Variants in FAM83E observed in about 807,000 individuals in gnomAD.
FAM83E encodes protein FAM83E.
FAM83E carries 29 observed loss-of-function variants against 34.3 expected under a neutral mutation model. The observed-to-expected ratio is 0.85, with a 90% CI of 0.63 to 1.15. The LOEUF (loss-of-function observed/expected upper bound fraction) is 1.15. Ranked by LOEUF, FAM83E falls within the 50% of genes most tolerant of loss-of-function variation. The probability of loss-of-function intolerance (pLI) is 0.00; values close to 1 mark genes in which losing one functional copy is unlikely to be tolerated. For missense variants in FAM83E, 697 were observed against 685.0 expected, an observed-to-expected ratio of 1.02 and a Z score of -0.20; for synonymous variants, 312 against 311.6, an observed-to-expected ratio of 1.00 and a Z score of -0.01.
In FAM83E at chr19:48,613,893, C is replaced by T. The variant is rs775831299; in HGVS notation, c.-521G>A. ...CTAATCACCCAAAGGTCCTTAAAGG[C>T]ACGACAGGTTGCCTGCCTGCCCCCG... On this transcript the variant is annotated 5_prime_UTR_variant, in exon 3 of 7. Coordinates refer to ENST00000263266, the MANE Select transcript of FAM83E (RefSeq NM_017708.4). 2.0e-6 allele frequency: 2 copies of T among 985,310 alleles called. No individual in the cohort carries two copies. The highest frequency in any genetic ancestry group is 4.7e-5 in the South Asian group (1 of 21,286). 61.0% of individuals were successfully genotyped at this position (985,310 alleles called of 1,614,324 possible).
intron 3 of FAM83E, 113 bp downstream of exon 3, chr19:48,612,795 T>A: frequency 8.0e-7 from 1 of 1,247,608 alleles, no homozygotes; most frequent in Non-Finnish European, 1.1e-6. Flanking sequence ...CCCAGGGGTA[T>A]AGGTCCTTTA....
At position 48,610,660 on chromosome 19, in the gene FAM83E, C is replaced by T; in HGVS notation, c.633+20G>A. On this transcript the variant is annotated intron_variant, in intron 4 of 6. Transcript: ENST00000263266. ...GCCAGGGGAATGGGGACTCACAGGACCCCCTGGCCCGGCCCCTACCTCCGT... is the reference window on the plus strand; with the variant it reads ...GCCAGGGGAATGGGGACTCACAGGATCCCCTGGCCCGGCCCCTACCTCCGT... 1.9e-6 allele frequency: 3 copies of T among 1,551,504 alleles called. No homozygotes were observed. The highest frequency in any genetic ancestry group is 2.6e-6 in the Non-Finnish European group (3 of 1,147,414).
intron 3 of FAM83E, among the ~76,000 whole-genome samples, chr19:48,612,412 T>C (rs1318019554): frequency 1.3e-5 from 2 of 150,456 alleles, no homozygotes; most frequent in African/African-American, 4.9e-5. Context: ...CTTTCTTTTT[T>C]TTTTTTTATT....
intron 5 of FAM83E, among the ~76,000 whole-genome samples, chr19:48,605,594 G>A (rs1171814295): frequency 1.3e-5 from 2 of 149,760 alleles, no homozygotes; most frequent in Non-Finnish European, 3.0e-5. Context: ...TTGAGATGGA[G>A]TCTTGCTCTA....
chr19:48,607,076 A>C (rs1199793645), intron 5 of FAM83E: 1 of 1,613,124 alleles, frequency 6.2e-7, no homozygotes, highest in African/African-American at 1.3e-5. Context: ...GACTCCATGC[A>C]GTGTCCTGGT....
At chr19:48,606,883 G>C in intron 5 of FAM83E, 1 of 1,457,482 alleles carries the variant, frequency 6.9e-7, no homozygotes, top group Non-Finnish European at 9.1e-7. Flanking sequence ...AGTCCCGTGG[G>C]CAAGAGGAGT....
chr19:48,607,194 C>T (rs1328993071), intron 5 of FAM83E: 2 of 1,613,184 alleles, frequency 1.2e-6, no homozygotes, highest in Non-Finnish European at 1.7e-6. Flanking sequence ...CCAGCTGCGG[C>T]CTTGAGGAAC....
rs1974092304 is a variant in FAM83E, at chr19:48,613,625, G to A, written c.-253C>T. ...GGCCACTCAGATCCGCCACCTGCCT[G>A]CACCCAGTGGCACCATGCCTGGCTG... On this transcript the variant is annotated 5_prime_UTR_variant, in exon 3 of 7. The change creates a premature stop within an existing upstream ORF in the 5' untranslated region. Coordinates refer to ENST00000263266, the MANE Select transcript of FAM83E (RefSeq NM_017708.4). The A allele has an allele frequency of 7.4e-7, 1 of 1,343,268 alleles. No individual in the cohort carries two copies. Among genetic ancestry groups the A allele is most frequent in the Non-Finnish European group, 9.5e-7 (1 of 1,049,012 alleles). 83.2% of individuals were successfully genotyped at this position (1,343,268 alleles called of 1,614,324 possible). A position where few individuals can be genotyped will look rare whatever the true frequency, so the allele number is the denominator to read the frequency against.
At chr19:48,606,693 C>T (rs1456615594) in intron 5 of FAM83E, 1 of 471,920 alleles carries the variant, frequency 2.1e-6, no homozygotes, top group Non-Finnish European at 3.9e-6. Flanking sequence ...CCTATGACCT[C>T]ATCCCCAGAG....
Position 48,614,157 on chromosome 19 carries a change from A to G in FAM83E, c.-785T>C. On this transcript the variant is annotated 5_prime_UTR_variant, in exon 3 of 7. It removes the in-frame stop codon of an upstream open reading frame in the 5' UTR. Coordinates refer to ENST00000263266, the MANE Select transcript of FAM83E (RefSeq NM_017708.4). ...TTGGCAAACCCTTCCCTACCCTGTC[A>G]ATGGGGGACCCTGCTCCCTGGACCC... 1.0e-6 allele frequency: 1 copy of G among 985,770 alleles called. No individual in the cohort carries two copies. Among genetic ancestry groups the G allele is most frequent in the Non-Finnish European group, 1.2e-6 (1 of 830,204 alleles). 61.1% of individuals were successfully genotyped at this position (985,770 alleles called of 1,614,324 possible).
Position 48,613,996 on chromosome 19 carries a change from T to A in FAM83E, c.-624A>T. ...TGGCTTCCGACTGACAGTCACAGTATCTGCCTGTTGGAGCATCTGTCTCTG... is the reference window on the plus strand; with the variant it reads ...TGGCTTCCGACTGACAGTCACAGTAACTGCCTGTTGGAGCATCTGTCTCTG... On this transcript the variant is annotated 5_prime_UTR_variant, in exon 3 of 7. Transcript: ENST00000263266. 1 of 985,424 alleles carries A rather than the reference T, an allele frequency of 1.0e-6. No homozygotes were observed. Among genetic ancestry groups the A allele is most frequent in the African/African-American group, 1.7e-5 (1 of 57,356 alleles). The allele number at this position is 985,424 out of a possible 1,614,324, so 61.0% of individuals were successfully genotyped here.
At chr19:48,612,117 A>G (rs981877899) in intron 3 of FAM83E, among the ~76,000 whole-genome samples, 2 of 152,208 alleles carry the variant, frequency 1.3e-5, no homozygotes, top group Admixed American at 6.5e-5. Context: ...CCGTGGGCAC[A>G]ATAGTCCCTC....
Position 48,600,953 on chromosome 19 carries a change from C to G in FAM83E, c.*156G>C, listed in dbSNP as rs1973799610. On this transcript the variant is annotated 3_prime_UTR_variant, in exon 7 of 7. Transcript: ENST00000263266. The stretch of plus-strand genomic sequence containing the variant: ...CAGGCATGAGCCACCACTCCCGGCC[C>G]AAGTTGCAGAACAAGTGACAAACAT... The G allele has an allele frequency of 6.9e-7, 1 of 1,439,922 alleles. No homozygotes were observed. Among genetic ancestry groups the G allele is most frequent in the African/African-American group, 1.4e-5 (1 of 69,354 alleles). 89.2% of individuals were successfully genotyped at this position (1,439,922 alleles called of 1,614,324 possible).
In FAM83E at chr19:48,613,450, A is replaced by C. The variant is rs1974089136; in HGVS notation, c.-78T>G. The stretch of plus-strand genomic sequence containing the variant: ...CTGGCTGTCTCTGGGGACTGTGATC[A>C]TCTGGGGGTTCTCCTGATAGGCAGA... On this transcript the variant is annotated 5_prime_UTR_variant, in exon 3 of 7. It removes an upstream start codon present in the reference 5' UTR. Transcript: ENST00000263266. 5.5e-6 allele frequency: 8 copies of C among 1,441,612 alleles called. No homozygotes were observed. Among genetic ancestry groups the C allele is most frequent in the African/African-American group, 1.4e-5 (1 of 70,050 alleles). 89.3% of individuals were successfully genotyped at this position (1,441,612 alleles called of 1,614,324 possible).
intron 5 of FAM83E, chr19:48,607,414 T>C (rs1395563603): frequency 6.6e-7 from 1 of 1,504,382 alleles, no homozygotes; most frequent in East Asian, 2.4e-5. Flanking sequence ...CATGTCCCCA[T>C]GTCCTTCCCC....
intron 6 of FAM83E, among the ~76,000 whole-genome samples, chr19:48,602,704 A>AAAAAAAAT (rs1973844092): frequency 3.6e-5 from 1 of 27,500 alleles, no homozygotes; most frequent in African/African-American, 2.0e-4. Flanking sequence ...AAAAAAAAAA[A>AAAAAAAAT]ATATATATAT....
In FAM83E at chr19:48,614,632, AAAGAG is replaced by A. The variant is rs1330078384; in HGVS notation, c.-1255-10_-1255-6del. 8 of 986,058 alleles carry A rather than the reference AAAGAG, an allele frequency of 8.1e-6. No individual in the cohort carries two copies. In the East Asian group the frequency reaches 3.4e-4, roughly 42 times the overall value. The allele number at this position is 986,058 out of a possible 1,614,324, so 61.1% of individuals were successfully genotyped here. On this transcript the variant is annotated splice_polypyrimidine_tract_variant and splice_region_variant and intron_variant, in intron 2 of 6. Coordinates refer to ENST00000263266, the MANE Select transcript of FAM83E (RefSeq NM_017708.4). Reference sequence around the variant, plus strand: ...CCTCCAGACCACAGCAGGGAGCTGCAAAGAGAAGAAAGGAGTCAAGGCAGGCCAGC... The same window carrying A: ...CCTCCAGACCACAGCAGGGAGCTGCAAAGAAAGGAGTCAAGGCAGGCCAGC...
At chr19:48,607,274 C>T (rs1219302318) in intron 5 of FAM83E, 1 of 1,602,396 alleles carries the variant, frequency 6.2e-7, no homozygotes, top group Non-Finnish European at 8.5e-7. Context: ...TGTAACAGAG[C>T]CCCGAGCAGC....
intron 6 of FAM83E, among the ~76,000 whole-genome samples, chr19:48,602,829 TTATTATTATTA>T (rs1568417975): frequency 9.2e-4 from 12 of 13,106 alleles, no homozygotes; most frequent in East Asian, 7.6e-3. Flanking sequence ...TTATTGTTTA[TTATTATTATTA>T]TTATTATTAT....
Sources: allele counts gnomAD v4.1 joint callset (sites outside exome capture counted in the v4.1 genomes callset), GRCh38; gene constraint gnomAD v4.1.1; transcripts MANE v1.5; gene names NCBI Gene and HGNC (gene_info 2026-07-23, HGNC 2026-07-21).